ZC3H12C: variants seen among roughly 807,000 people sequenced by gnomAD.
ZC3H12C encodes zinc finger CCCH-type containing 12C, also known as probable ribonuclease ZC3H12C.
ZC3H12C carries 20 observed loss-of-function variants against 76.3 expected under a neutral mutation model. The ratio of observed to expected loss-of-function variants is 0.26; its 90% CI spans 0.18 to 0.38. The LOEUF is 0.38. Among genes scored for constraint, ZC3H12C ranks in the 10% least tolerant of loss-of-function variants. The pLI is 1.00. For missense variants in ZC3H12C, 874 were observed against 1,086.5 expected (o/e 0.80, Z 2.75); for synonymous variants, 352 against 399.6 (o/e 0.88, Z 1.42).
rs35959407 is a variant in ZC3H12C, at chr11:110,164,098, CAA to C, written c.1256-229_1256-228del. ...TGGGTGACAGAGCAAGACCCTGTCT[CAA>C]AAAAAAAAAAAAAGTTCTGGAGGTG... On this transcript the variant is annotated intron_variant, in intron 5 of 5. Coordinates refer to ENST00000278590, the MANE Select transcript of ZC3H12C (RefSeq NM_033390.2). This position sits in a 1 kb window ranked among gnomAD's most constrained non-coding sequence, Gnocchi z 5.7. Among the ~76,000 whole-genome samples, 1,847 of 142,794 alleles carry C rather than the reference CAA, an allele frequency of 0.013. 12 individuals carry two copies. Among genetic ancestry groups the C allele is most frequent in the African/African-American group, 0.024 (911 of 38,406 alleles). The allele number at this position is 142,794 out of a possible 152,430, so 93.7% of individuals were successfully genotyped here.
At chr11:110,126,546 CA>C (rs1861752271) in intron 1 of ZC3H12C, among the ~76,000 whole-genome samples, 1 of 151,814 alleles carries the variant, frequency 6.6e-6, no homozygotes, top group African/African-American at 2.4e-5. Context: ...ATTAAAATAC[CA>C]ACAGTTTACT....
intron 1 of ZC3H12C, among the ~76,000 whole-genome samples, chr11:110,103,962 T>A (rs1387852976): frequency 6.6e-6 from 1 of 151,934 alleles, no homozygotes; most frequent in African/African-American, 2.4e-5. Context: ...GCTTTTTGTT[T>A]GCTTTAGATG....
Position 110,136,708 on chromosome 11 carries a change from G to T in ZC3H12C, c.67G>T (p.Val23Leu). The change falls in exon 2 of 6, where the codon GTG (valine) becomes TTG (leucine). Residue 23 changes from valine to leucine, a missense_variant. Physicochemically the swap from Val to Leu is conservative, Grantham distance 32. This residue lies in a region of ZC3H12C where 210 missense variants were observed against 227.1 expected (regional missense o/e 0.92). Transcript: ENST00000278590. ...CIQEYRKNSKVESSTRNNFMG... is the reference protein window; with the variant it reads ...CIQEYRKNSKLESSTRNNFMG... ...TCAGGAATACAGAAAAAACAGCAAA[G>T]TGGAGTCAAGTACACGTAACAACTT... is the stretch of plus-strand genomic sequence containing the variant. The T allele has an allele frequency of 6.2e-7, 1 of 1,613,932 alleles. No individual in the cohort carries two copies. Among genetic ancestry groups the T allele is most frequent in the South Asian group, 1.1e-5 (1 of 91,052 alleles).
Position 110,117,834 on chromosome 11 carries a change from T to A in ZC3H12C, c.22-18829T>A, listed in dbSNP as rs28642019. Among the ~76,000 whole-genome samples the A allele has an allele frequency of 1.2e-4, 12 of 100,872 alleles. 1 individual carries two copies. The highest frequency in any genetic ancestry group is 4.9e-4 in the African/African-American group (11 of 22,494). 66.2% of individuals were successfully genotyped at this position (100,872 alleles called of 152,430 possible). A position where few individuals can be genotyped will look rare whatever the true frequency, so the allele number is the denominator to read the frequency against. On this transcript the variant is annotated intron_variant, in intron 1 of 5. Transcript: ENST00000278590. ...CATATATATACACACACACATATAA[T>A]ATATATATACACACACACATATATA...
chr11:110,099,855 T>C (rs1222733137), intron 1 of ZC3H12C, among the ~76,000 whole-genome samples: 1 of 94 alleles, frequency 0.011, no homozygotes, highest in Non-Finnish European at 0.019. Context: ...CCCCCAGTCC[T>C]ACACAAAGTA....
intron 1 of ZC3H12C, chr11:110,136,359 A>G (rs1380863535): frequency 1.2e-5 from 3 of 248,826 alleles, no homozygotes; most frequent in Non-Finnish European, 2.3e-5. Flanking sequence ...GAGATTGAGA[A>G]GGAGCATGAT....
Position 110,165,377 on chromosome 11 carries a change from A to T in ZC3H12C, c.2292A>T (p.Gln764His). Residue 764 changes from glutamine (Q) to histidine (H), a missense_variant, in exon 6 of 6, where the codon CAA (glutamine) becomes CAT (histidine). Gln to His is a conservative substitution (Grantham distance 24). Transcript: ENST00000278590. ...TTTATGACAGTTCTCCTTCACGACA[A>T]AGAAAGCCTTATTCCCGCCAGGAAG... ...SRLYDSSPSRQRKPYSRQEGL... is the reference protein window; with the variant it reads ...SRLYDSSPSRHRKPYSRQEGL... 6.2e-7 allele frequency: 1 copy of T among 1,614,008 alleles called. No homozygotes were observed. Among genetic ancestry groups the T allele is most frequent in the Non-Finnish European group, 8.5e-7 (1 of 1,179,878 alleles).
At chr11:110,151,886 G>A (rs1862277206) in intron 2 of ZC3H12C, among the ~76,000 whole-genome samples, 1 of 147,628 alleles carries the variant, frequency 6.8e-6, no homozygotes, top group South Asian at 2.3e-4. Flanking sequence ...AAAATGATTA[G>A]CCATATGTTA....
chr11:110,104,129 G>A (rs1197994965), intron 1 of ZC3H12C, among the ~76,000 whole-genome samples: 2 of 151,834 alleles, frequency 1.3e-5, no homozygotes, highest in Non-Finnish European at 2.9e-5. Context: ...TGCCTCCCGG[G>A]GCAGATGTTC....
intron 1 of ZC3H12C, among the ~76,000 whole-genome samples, chr11:110,109,159 G>T (rs1287613704): frequency 6.6e-6 from 1 of 152,188 alleles, no homozygotes; most frequent in Non-Finnish European, 1.5e-5. Context: ...GACCAGTTGG[G>T]ATGCCTTCAA....
At chr11:110,146,959 A>G (rs114960611) in intron 2 of ZC3H12C, among the ~76,000 whole-genome samples, 2,402 of 152,266 alleles carry the variant, frequency 0.016, 56 homozygotes, top group African/African-American at 0.053. Flanking sequence ...ATGAAAATCA[A>G]TGGAGACTCA....
At chr11:110,127,236 A>G (rs1861765805) in intron 1 of ZC3H12C, among the ~76,000 whole-genome samples, 1 of 152,190 alleles carries the variant, frequency 6.6e-6, no homozygotes, top group Non-Finnish European at 1.5e-5. Flanking sequence ...ATCTACAGCA[A>G]TTTATTTGTC....
chr11:110,097,303 C>A (rs1043471351), intron 1 of ZC3H12C, among the ~76,000 whole-genome samples: 1 of 152,182 alleles, frequency 6.6e-6, no homozygotes, highest in East Asian at 1.9e-4. Flanking sequence ...TAAGCAGATA[C>A]CTGAACATTC....
intron 2 of ZC3H12C, among the ~76,000 whole-genome samples, chr11:110,149,335 C>T (rs1274943533): frequency 6.6e-6 from 1 of 152,172 alleles, no homozygotes; most frequent in Non-Finnish European, 1.5e-5. Flanking sequence ...CCCCAAGTGC[C>T]ATCTAAGGCT....
intron 2 of ZC3H12C, among the ~76,000 whole-genome samples, chr11:110,141,939 TATATTTCTATTGA>T (rs1862074270): frequency 6.6e-6 from 1 of 152,212 alleles, no homozygotes; most frequent in Non-Finnish European, 1.5e-5. Context: ...TGACTCACAT[TATATTTCTATTGA>T]ATAGCCTCTC....
At chr11:110,136,636 T>C in intron 1 of ZC3H12C, 27 bp from the exon 2 acceptor site, 1 of 1,591,986 alleles carries the variant, frequency 6.3e-7, no homozygotes. Flanking sequence ...AACTATGAAA[T>C]TCTAAATATT....
chr11:110,169,229 A>G lies in ZC3H12C; in HGVS notation c.*3492A>G, dbSNP rs1862632048. The G allele has an allele frequency of 6.6e-6, 1 of 152,108 alleles. No individual in the cohort carries two copies. The highest frequency in any genetic ancestry group is 2.1e-4 in the South Asian group (1 of 4,832). 9.4% of individuals were successfully genotyped at this position (152,108 alleles called of 1,614,324 possible). A position where few individuals can be genotyped will look rare whatever the true frequency, so the allele number is the denominator to read the frequency against. On this transcript the variant is annotated 3_prime_UTR_variant, in exon 6 of 6. Coordinates refer to ENST00000278590, the MANE Select transcript of ZC3H12C (RefSeq NM_033390.2). ...TTGATTATACAAATAATTATTTAAC[A>G]TGTCTTATGGATGTATCTATATGTA...
At chr11:110,158,481 G>A (rs1430192262) in intron 3 of ZC3H12C, among the ~76,000 whole-genome samples, 2 of 151,814 alleles carry the variant, frequency 1.3e-5, no homozygotes, top group African/African-American at 2.4e-5. Context: ...CTGCACTCCA[G>A]CCTGGGCGAT....
chr11:110,168,832 C>T lies in ZC3H12C; in HGVS notation c.*3095C>T, dbSNP rs1420182549. 6.6e-6 allele frequency: 1 copy of T among 152,038 alleles called. No homozygotes were observed. The highest frequency in any genetic ancestry group is 1.5e-5 in the Non-Finnish European group (1 of 67,978). 9.4% of individuals were successfully genotyped at this position (152,038 alleles called of 1,614,324 possible). ...CTTACACATTTGGAAGAAATGCACA[C>T]CAGTGTAATATATTTGATACTGGTG... On this transcript the variant is annotated 3_prime_UTR_variant, in exon 6 of 6. Transcript: ENST00000278590.
Sources: allele counts gnomAD v4.1 joint callset (sites outside exome capture counted in the v4.1 genomes callset), GRCh38; gene constraint gnomAD v4.1.1; regional missense constraint gnomAD v4.1.1; non-coding constraint Gnocchi (gnomAD v3.1); transcripts MANE v1.5; gene names NCBI Gene and HGNC (gene_info 2026-07-23, HGNC 2026-07-21).